SEMA5A: variants seen among roughly 807,000 people sequenced by gnomAD.
The protein encoded by SEMA5A is semaphorin-5A.
A neutral mutation model predicts 135.5 loss-of-function variants in SEMA5A; 55 were observed. The ratio of observed to expected loss-of-function variants is 0.41; its 90% CI spans 0.33 to 0.51. The LOEUF (loss-of-function observed/expected upper bound fraction) is 0.51. SEMA5A is among the 20% of genes least tolerant of loss of function. The pLI, the probability that SEMA5A is intolerant of heterozygous loss-of-function variation, is 0.37. For missense variants in SEMA5A, 1,290 were observed against 1,419.9 expected (o/e 0.91, Z 1.47); for synonymous variants, 580 against 546.5 (o/e 1.06, Z -0.85).
chr5:9,289,935 T>C (rs577777706), intron 5 of SEMA5A, among the ~76,000 whole-genome samples: 9 of 152,338 alleles, frequency 5.9e-5, no homozygotes, highest in Non-Finnish European at 8.8e-5. Context: ...ATTTTCTAAA[T>C]TTATATATTT....
intron 3 of SEMA5A, among the ~76,000 whole-genome samples, chr5:9,370,129 T>G (rs1183528797): frequency 6.6e-6 from 1 of 152,234 alleles, no homozygotes; most frequent in African/African-American, 2.4e-5. Flanking sequence ...TGCTTTCATC[T>G]TTAAACAAGT....
intron 1 of SEMA5A, among the ~76,000 whole-genome samples, chr5:9,450,241 G>A (rs1344736761): frequency 1.3e-5 from 2 of 152,270 alleles, no homozygotes; most frequent in Admixed American, 6.5e-5. Flanking sequence ...TGGGGAGAAC[G>A]AGGCCAACCC....
At chr5:9,408,632 C>T (rs910655339) in intron 2 of SEMA5A, among the ~76,000 whole-genome samples, 1 of 152,108 alleles carries the variant, frequency 6.6e-6, no homozygotes, top group Non-Finnish European at 1.5e-5. Context: ...GTTGATTTAT[C>T]CTCATAACAG....
chr5:9,521,282 C>T (rs182489362), intron 1 of SEMA5A, among the ~76,000 whole-genome samples: 9 of 152,240 alleles, frequency 5.9e-5, no homozygotes, highest in East Asian at 3.9e-4. Flanking sequence ...TGGTGGCGCA[C>T]GCCTGCAACC....
intron 16 of SEMA5A, among the ~76,000 whole-genome samples, chr5:9,093,313 T>C (rs1739136370): frequency 6.6e-6 from 1 of 152,196 alleles, no homozygotes. Context: ...ATTTAAAACA[T>C]GATGTAACAT....
intron 21 of SEMA5A, 104 bp from the exon 22 acceptor site, chr5:9,044,688 C>G (rs1736153817): frequency 4.4e-6 from 4 of 919,076 alleles, no homozygotes; most frequent in Non-Finnish European, 6.7e-6. Context: ...AAAGCTTCAT[C>G]CCCATTCCAA....
intron 2 of SEMA5A, 187 bp from the exon 3 acceptor site, chr5:9,380,210 G>A (rs1179721493): frequency 5.1e-5 from 22 of 434,742 alleles, no homozygotes; most frequent in Non-Finnish European, 9.1e-5. Flanking sequence ...ATGCATGCGT[G>A]AGTGCGTGTA....
intron 3 of SEMA5A, among the ~76,000 whole-genome samples, chr5:9,376,006 T>C (rs194261): frequency 0.23 from 34,729 of 151,966 alleles, 4,324 homozygotes; most frequent in Middle Eastern, 0.3. Context: ...TTCCTTCTCA[T>C]TCCTGCTCTA....
intron 4 of SEMA5A, among the ~76,000 whole-genome samples, chr5:9,325,492 G>A (rs1366958459): frequency 6.6e-6 from 1 of 151,808 alleles, no homozygotes; most frequent in Non-Finnish European, 1.5e-5. Flanking sequence ...ACTGACTCTA[G>A]GATTGAATAA....
chr5:9,406,067 GAGA>G (rs1344971825), intron 2 of SEMA5A, among the ~76,000 whole-genome samples: 9 of 152,208 alleles, frequency 5.9e-5, no homozygotes, highest in African/African-American at 1.9e-4. Context: ...TACGTAGTCA[GAGA>G]AGTAGACATG....
intron 5 of SEMA5A, among the ~76,000 whole-genome samples, chr5:9,269,886 T>C (rs536249762): frequency 1.3e-5 from 2 of 152,236 alleles, no homozygotes; most frequent in African/African-American, 4.8e-5. Context: ...GTCCCCTTTT[T>C]ACAGCTGCAC....
rs1040790547 is a variant in SEMA5A at position 9,545,327 on chromosome 5, C to G, written c.-175+257G>C. Among the ~76,000 whole-genome samples, 1 of 152,174 alleles carries G rather than the reference C, an allele frequency of 6.6e-6. No individual in the cohort carries two copies. Among genetic ancestry groups the G allele is most frequent in the Admixed American group, 6.5e-5 (1 of 15,292 alleles). On this transcript the variant is annotated intron_variant, in intron 1 of 22. Transcript: ENST00000382496. The surrounding 1 kb of genome is among the most constrained non-coding windows in gnomAD (Gnocchi z 4.5). ...CTCCGGCTCCTTACCTCTCCATGCT[C>G]AGACCTCGGCACAGGCGGGTACACA...
At chr5:9,102,184 T>C (rs529596310) in intron 16 of SEMA5A, among the ~76,000 whole-genome samples, 17 of 152,324 alleles carry the variant, frequency 1.1e-4, no homozygotes, top group South Asian at 4.1e-4. Context: ...GACTGTTCAA[T>C]TGTAAAACTG....
chr5:9,190,282 T>C lies in SEMA5A; in HGVS notation c.1258A>G (p.Ile420Val). The C allele has an allele frequency of 6.2e-7, 1 of 1,614,018 alleles. No individual in the cohort carries two copies. Among genetic ancestry groups the C allele is most frequent in the Non-Finnish European group, 8.5e-7 (1 of 1,180,002 alleles). The part of the protein sequence containing the change: ...VQGREALVHI[I>V]YLATDYGTIK... ...GAGCTCCTACCTGTGGCCAAATAGA[T>C]GATGTGGACGAGCGCTTCTCTGCCC... Residue 420 changes from isoleucine (I) to valine (V), a missense_variant, in exon 11 of 23, where the codon ATC becomes GTC. Physicochemically the swap from Ile to Val is conservative, Grantham distance 29. Around this residue, in one of 3 missense-constraint regions of SEMA5A, gnomAD observed 1,029 missense variants for 1,086.6 expected, o/e 0.95. Transcript: ENST00000382496.
At chr5:9,337,221 AGGT>A (rs1753429282) in intron 4 of SEMA5A, among the ~76,000 whole-genome samples, 2 of 152,328 alleles carry the variant, frequency 1.3e-5, no homozygotes, top group African/African-American at 4.8e-5. Context: ...TAACAAAGAA[AGGT>A]GGTGGTGGGC....
intron 1 of SEMA5A, among the ~76,000 whole-genome samples, chr5:9,490,189 A>T (rs555297290): frequency 1.2e-4 from 19 of 152,274 alleles, no homozygotes; most frequent in African/African-American, 3.4e-4. Flanking sequence ...CTAAAAATTT[A>T]AAAAAATAGC....
At chr5:9,183,963 T>C (rs1444133729) in intron 11 of SEMA5A, among the ~76,000 whole-genome samples, 1 of 152,240 alleles carries the variant, frequency 6.6e-6, no homozygotes, top group East Asian at 1.9e-4. Flanking sequence ...ATTGTTCTAC[T>C]TGAAATCTGG....
At chr5:9,329,143 T>A (rs369891047) in intron 4 of SEMA5A, among the ~76,000 whole-genome samples, 1 of 152,162 alleles carries the variant, frequency 6.6e-6, no homozygotes. Flanking sequence ...CCTCTTCAGA[T>A]CGATGCACCA....
At chr5:9,124,383 A>G (rs1349367520) in intron 13 of SEMA5A, among the ~76,000 whole-genome samples, 2 of 152,192 alleles carry the variant, frequency 1.3e-5, no homozygotes, top group Admixed American at 1.3e-4. Flanking sequence ...CTTACATCAC[A>G]TGCCCAGAAA....
Sources: allele counts gnomAD v4.1 joint callset (sites outside exome capture counted in the v4.1 genomes callset), GRCh38; gene constraint gnomAD v4.1.1; regional missense constraint gnomAD v4.1.1; non-coding constraint Gnocchi (gnomAD v3.1); transcripts MANE v1.5; gene names NCBI Gene and HGNC (gene_info 2026-07-23, HGNC 2026-07-21).